SPATA6: variants seen among roughly 807,000 people sequenced by gnomAD.
SPATA6 encodes spermatogenesis-associated protein 6.
In SPATA6, 56 loss-of-function variants were observed where a neutral mutation model predicts 65.3. That is an observed-to-expected ratio of 0.86 (90% CI 0.69 to 1.07). SPATA6 has a LOEUF of 1.07. Among genes scored for constraint, SPATA6 ranks in the 50% least tolerant of loss-of-function variants. The probability of loss-of-function intolerance (pLI) is 0.00; values close to 1 mark genes in which losing one functional copy is unlikely to be tolerated. For synonymous variants in SPATA6, 199 were observed against 213.2 expected (o/e 0.93, Z 0.58); for missense variants, 590 against 594.8 (o/e 0.99, Z 0.08).
chr1:48,442,923 AC>A (rs1655662028), intron 3 of SPATA6, among the ~76,000 whole-genome samples: 1 of 152,094 alleles, frequency 6.6e-6, no homozygotes, highest in South Asian at 2.1e-4. Context: ...AAAATCCTTA[AC>A]CCAGCAGGTT....
chr1:48,423,034 C>T (rs1380129909), intron 3 of SPATA6, among the ~76,000 whole-genome samples: 1 of 152,086 alleles, frequency 6.6e-6, no homozygotes, highest in Admixed American at 6.6e-5. Flanking sequence ...TGGGACATAA[C>T]AACATAGATA....
intron 11 of SPATA6, among the ~76,000 whole-genome samples, chr1:48,313,526 A>G (rs1360172318): frequency 6.6e-6 from 1 of 152,186 alleles, no homozygotes; most frequent in Non-Finnish European, 1.5e-5. Context: ...GCCTGCCCTA[A>G]AAGAGCTCCT....
At chr1:48,449,643 A>G (rs1433136469) in intron 3 of SPATA6, among the ~76,000 whole-genome samples, 1 of 152,250 alleles carries the variant, frequency 6.6e-6, no homozygotes, top group Non-Finnish European at 1.5e-5. Context: ...ATCGACATAT[A>G]TGGTGTGTGA....
At chr1:48,403,757 C>A in intron 6 of SPATA6, 45 bp downstream of exon 6, 2 of 1,472,456 alleles carry the variant, frequency 1.4e-6, no homozygotes, top group Non-Finnish European at 9.2e-7. Flanking sequence ...ACAAATATGA[C>A]CAAATAAATT....
chr1:48,435,815 C>T (rs570420004), intron 3 of SPATA6, among the ~76,000 whole-genome samples: 419 of 152,324 alleles, frequency 2.8e-3, no homozygotes, highest in African/African-American at 8.5e-3. Flanking sequence ...CTGGCGCCCG[C>T]CCCTGTCCGC....
chr1:48,355,589 A>C (rs1646635222), intron 11 of SPATA6, 81 bp downstream of exon 11: 1 of 992,936 alleles, frequency 1.0e-6, no homozygotes, highest in African/African-American at 1.7e-5. Context: ...CCGGTGACTA[A>C]ATTTTGTAAG....
chr1:48,433,004 G>A (rs545097162), intron 3 of SPATA6, among the ~76,000 whole-genome samples: 41 of 152,158 alleles, frequency 2.7e-4, no homozygotes, highest in African/African-American at 9.2e-4. Flanking sequence ...AAAACATTAC[G>A]CTATGTAAAA....
At chr1:48,445,865 G>A (rs1656002521) in intron 3 of SPATA6, among the ~76,000 whole-genome samples, 1 of 151,890 alleles carries the variant, frequency 6.6e-6, no homozygotes, top group African/African-American at 2.4e-5. Context: ...TGAGGCCTGA[G>A]ACCACTGCAA....
chr1:48,395,330 C>A lies in SPATA6; in HGVS notation c.805G>T (p.Asp269Tyr). 1.3e-6 allele frequency: 2 copies of A among 1,567,652 alleles called. No individual in the cohort carries two copies. The highest frequency in any genetic ancestry group is 1.2e-5 in the South Asian group (1 of 84,538). Reference protein sequence around the residue: ...RHVDPPSPRADTLLGSSGRDC... With the variant: ...RHVDPPSPRAYTLLGSSGRDC... ...CTTCCAGAAGATCCCAATAAAGTAT[C>A]AGCCCTGGGACTTGGGGGATCAACC... The change falls in exon 8 of 13, where the codon GAT becomes TAT. Residue 269 changes from aspartate to tyrosine, a missense_variant. Physicochemically the swap from Asp to Tyr is radical, Grantham distance 160 (BLOSUM62 -3). Transcript: ENST00000371847.
intron 11 of SPATA6, among the ~76,000 whole-genome samples, chr1:48,309,561 T>C (rs908004765): frequency 1.3e-5 from 2 of 152,210 alleles, no homozygotes; most frequent in African/African-American, 4.8e-5. Context: ...TCTTTATAAA[T>C]GCTTTCTTTT....
chr1:48,372,169 T>C (rs1438044406), intron 9 of SPATA6, among the ~76,000 whole-genome samples: 1 of 152,056 alleles, frequency 6.6e-6, no homozygotes, highest in Non-Finnish European at 1.5e-5. Flanking sequence ...AAGTCCACAG[T>C]CCAAAGTCTC....
At chr1:48,410,148 G>A (rs1202351209) in intron 5 of SPATA6, among the ~76,000 whole-genome samples, 3 of 152,128 alleles carry the variant, frequency 2.0e-5, no homozygotes, top group African/African-American at 7.2e-5. Flanking sequence ...CCTCTTGAAT[G>A]CTTTGCTGCT....
intron 8 of SPATA6, 62 bp from the exon 9 acceptor site, chr1:48,385,411 C>A: frequency 7.1e-7 from 1 of 1,400,512 alleles, no homozygotes. Flanking sequence ...ATTTTTAATA[C>A]TATCATTGTT....
downstream of SPATA6, among the ~76,000 whole-genome samples, chr1:48,291,564 GCTGGTCTCACTCC>G (rs1293286609): frequency 1.3e-5 from 2 of 152,150 alleles, no homozygotes; most frequent in African/African-American, 4.8e-5. Context: ...AGACGAAAAG[GCTGGTCTCACTCC>G]CTCTGTGCCC....
intron 8 of SPATA6, among the ~76,000 whole-genome samples, chr1:48,393,820 C>T (rs905509623): frequency 5.9e-5 from 9 of 151,968 alleles, no homozygotes; most frequent in South Asian, 2.1e-4. Flanking sequence ...CAAATGGCAG[C>T]GAGAGAAGGA....
intron 3 of SPATA6, among the ~76,000 whole-genome samples, chr1:48,433,135 G>A (rs1654562245): frequency 6.6e-6 from 1 of 152,056 alleles, no homozygotes; most frequent in Non-Finnish European, 1.5e-5. Flanking sequence ...TGCAGGGAGG[G>A]GAAAATGGGT....
intron 3 of SPATA6, among the ~76,000 whole-genome samples, chr1:48,425,143 A>G (rs2148033712): frequency 6.6e-6 from 1 of 152,302 alleles, no homozygotes; most frequent in Middle Eastern, 3.4e-3. Flanking sequence ...TTAAGTCTTC[A>G]ATACATTTTG....
Position 48,388,801 on chromosome 1 carries a change from T to C in SPATA6, c.869-3452A>G, listed in dbSNP as rs1046292372. Among the ~76,000 whole-genome samples the C allele has an allele frequency of 2.0e-5, 3 of 152,078 alleles. No individual in the cohort carries two copies. In the East Asian group the frequency reaches 5.8e-4, roughly 29 times the overall value. ...TTGGCTCACTGCAACCTCCGCCTCC[T>C]GGGTTCAAGCGCTTCTCCTGCCTCA... is the stretch of plus-strand genomic sequence containing the variant. On this transcript the variant is annotated intron_variant, in intron 8 of 12. Transcript: ENST00000371847.
At chr1:48,349,455 C>A (rs1646458515) in intron 11 of SPATA6, among the ~76,000 whole-genome samples, 1 of 151,944 alleles carries the variant, frequency 6.6e-6, no homozygotes, top group African/African-American at 2.4e-5. Flanking sequence ...TTGTCATATT[C>A]ATCAATTATG....
Sources: gnomAD v4.1 joint callset for allele counts (sites outside exome capture counted in the v4.1 genomes callset) on GRCh38, gnomAD v4.1.1 for gene constraint, MANE v1.5 for transcripts, NCBI Gene and HGNC (gene_info 2026-07-23, HGNC 2026-07-21) for gene names.